Variants in PRKAR1A observed in about 807,000 individuals in gnomAD.
The protein encoded by PRKAR1A is protein kinase cAMP-dependent type I regulatory subunit alpha, also known as cAMP-dependent protein kinase type I-alpha regulatory subunit.
Under a neutral mutation model 52.0 loss-of-function variants are expected in PRKAR1A, and 3 were observed. The observed-to-expected ratio is 0.06, with a 90% CI of 0.03 to 0.15. The LOEUF is 0.15. Among genes scored for constraint, PRKAR1A ranks in the 10% least tolerant of loss-of-function variants. The pLI is 1.00. For missense variants in PRKAR1A, 240 were observed against 477.4 expected (o/e 0.50, Z 4.63); for synonymous variants, 188 against 168.4 (o/e 1.12, Z -0.90).
rs1049611554 is a variant in PRKAR1A, at chr17:68,532,779, T to A, written c.*2330T>A. 6.6e-6 allele frequency: 7 copies of A among 1,066,346 alleles called. No individual in the cohort carries two copies. Among genetic ancestry groups the A allele is most frequent in the Non-Finnish European group, 6.8e-6 (6 of 879,778 alleles). 66.1% of individuals were successfully genotyped at this position (1,066,346 alleles called of 1,614,324 possible). On this transcript the variant is annotated 3_prime_UTR_variant, in exon 11 of 11. Transcript: ENST00000589228. The stretch of plus-strand genomic sequence containing the variant: ...TAATTTAAATTCTTAAATGAATCAG[T>A]TTTTCTTCCCTTTCTCCTTTCCGTC...
At chr17:68,548,422 T>C (rs2086668405) in intron 11 of PRKAR1A, among the ~76,000 whole-genome samples, 1 of 151,938 alleles carries the variant, frequency 6.6e-6, no homozygotes, top group Admixed American at 6.5e-5. Context: ...CCCAGCTATT[T>C]GGAAGGCTGA....
intron 11 of PRKAR1A, among the ~76,000 whole-genome samples, chr17:68,546,996 AT>A (rs2086603210): frequency 1.3e-5 from 2 of 151,916 alleles, no homozygotes; most frequent in Admixed American, 1.3e-4. Flanking sequence ...GAGCAGTAAT[AT>A]TTTGAAAGGA....
At chr17:68,510,411 G>A (rs1378999763), upstream of PRKAR1A, among the ~76,000 whole-genome samples, 1 of 152,176 alleles carries the variant, frequency 6.6e-6, no homozygotes, top group East Asian at 1.9e-4. Context: ...AGTGCTATAC[G>A]TGTGTTTGCT....
chr17:68,448,158 A>C, the PRKAR1A span: 12 of 152,198 alleles, frequency 7.9e-5, no homozygotes, highest in Non-Finnish European at 1.3e-4. Flanking sequence ...TTGGGCCTTT[A>C]TCATTTCCCC....
chr17:68,489,343 A>ATATATATATATATATGGAAAG, the PRKAR1A span, among the ~76,000 whole-genome samples: 9 of 87,622 alleles, frequency 1.0e-4, 1 homozygote, highest in South Asian at 3.3e-4. Context: ...TGGAAAGTAT[A>ATATATATATATATATGGAAAG]TATATATATA....
the PRKAR1A span, among the ~76,000 whole-genome samples, chr17:68,464,699 C>CA: frequency 1.4e-3 from 116 of 81,136 alleles, 1 homozygote; most frequent in Admixed American, 0.011. Flanking sequence ...AAAAAAAAAA[C>CA]AAAAAAAACA....
At chr17:68,435,442 C>T in the PRKAR1A span, among the ~76,000 whole-genome samples, 2 of 152,180 alleles carry the variant, frequency 1.3e-5, no homozygotes. Context: ...ATTGAATTAA[C>T]AAATGCATGA....
At chr17:68,424,644 G>A in the PRKAR1A span, 1 of 392,260 alleles carries the variant, frequency 2.5e-6, no homozygotes, top group Non-Finnish European at 5.1e-6. Context: ...GGGAGGCCGA[G>A]ACGAGTGGAT....
chr17:68,476,655 CCTCT>C, the PRKAR1A span, among the ~76,000 whole-genome samples: 2 of 149,680 alleles, frequency 1.3e-5, no homozygotes, highest in Non-Finnish European at 3.0e-5. Context: ...TCCATCCCTC[CCTCT>C]CTCTCTCTCT....
exon 12 of PRKAR1A, chr17:68,551,268 G>A (rs11657445): frequency 7.6e-6 from 4 of 526,906 alleles, no homozygotes; most frequent in African/African-American, 5.9e-5. Flanking sequence ...AATTTTCAAG[G>A]CATGTAGTTG....
chr17:68,486,099 A>T, the PRKAR1A span, among the ~76,000 whole-genome samples: 1 of 152,140 alleles, frequency 6.6e-6, no homozygotes, highest in Non-Finnish European at 1.5e-5. Context: ...TGAACTGTTG[A>T]TTCATCAAAG....
At chr17:68,507,954 T>A (rs1321091882), upstream of PRKAR1A, among the ~76,000 whole-genome samples, 1 of 152,214 alleles carries the variant, frequency 6.6e-6, no homozygotes, top group African/African-American at 2.4e-5. Context: ...AGTCTAGATG[T>A]TGCTGTGAAT....
chr17:68,496,167 G>A, the PRKAR1A span, among the ~76,000 whole-genome samples: 1 of 144,452 alleles, frequency 6.9e-6, no homozygotes, highest in African/African-American at 2.6e-5. Flanking sequence ...TCAGACTCCT[G>A]GGTAGCTGGA....
chr17:68,547,264 CATTATT>C (rs1032757555), intron 11 of PRKAR1A, among the ~76,000 whole-genome samples: 1 of 152,060 alleles, frequency 6.6e-6, no homozygotes, highest in African/African-American at 2.4e-5. Flanking sequence ...GAATCTTTAT[CATTATT>C]ATTATTATTT....
the PRKAR1A span, among the ~76,000 whole-genome samples, chr17:68,437,957 A>AAAAAAAAAAAAAAG: frequency 6.8e-6 from 1 of 148,128 alleles, no homozygotes; most frequent in Non-Finnish European, 1.5e-5. Context: ...TTAAAAAAAA[A>AAAAAAAAAAAAAAG]AAAAAAAAAA....
At chr17:68,489,249 ATATATATATATGGAAAG>A in the PRKAR1A span, among the ~76,000 whole-genome samples, 1 of 46,630 alleles carries the variant, frequency 2.1e-5, no homozygotes, top group East Asian at 6.9e-4. Flanking sequence ...ATATATATAT[ATATATATATATGGAAAG>A]TATATATATA....
chr17:68,546,657 T>C (rs1013981097), intron 11 of PRKAR1A, among the ~76,000 whole-genome samples: 38 of 152,042 alleles, frequency 2.5e-4, no homozygotes, highest in Admixed American at 8.5e-4. Flanking sequence ...GGTGAAACCC[T>C]GTCTCTACTA....
At chr17:68,425,515 C>T in the PRKAR1A span, among the ~76,000 whole-genome samples, 1 of 151,820 alleles carries the variant, frequency 6.6e-6, no homozygotes, top group African/African-American at 2.4e-5. Context: ...GCCACCGCAC[C>T]CGGCCACTTG....
the PRKAR1A span, among the ~76,000 whole-genome samples, chr17:68,439,159 T>C: frequency 6.6e-6 from 1 of 152,124 alleles, no homozygotes; most frequent in Non-Finnish European, 1.5e-5. Context: ...ATTTAACATA[T>C]GTCCACACAA....
Sources: allele counts gnomAD v4.1 joint callset (sites outside exome capture counted in the v4.1 genomes callset), GRCh38; gene constraint gnomAD v4.1.1; transcripts MANE v1.5; gene names NCBI Gene and HGNC (gene_info 2026-07-23, HGNC 2026-07-21).